Variants in TBC1D4 observed in about 807,000 individuals in gnomAD.
The protein encoded by TBC1D4 is TBC1 domain family member 4, also known as TBC (Tre-2, BUB2, CDC16) domain-containing protein.
A neutral mutation model predicts 142.5 loss-of-function variants in TBC1D4; 121 were observed. That is an observed-to-expected ratio of 0.85 (90% CI 0.73 to 0.99). The LOEUF (loss-of-function observed/expected upper bound fraction) is 0.99. Ranked by LOEUF, TBC1D4 falls within the 50% of genes least tolerant of loss-of-function variation. TBC1D4 has a pLI of 0.00. For synonymous variants in TBC1D4, 630 were observed against 628.2 expected, an observed-to-expected ratio of 1.00 and a Z score of -0.04; for missense variants, 1,475 against 1,606.6, an observed-to-expected ratio of 0.92 and a Z score of 1.40.
intron 5 of TBC1D4, among the ~76,000 whole-genome samples, chr13:75,343,665 C>T (rs1284280469): frequency 1.3e-5 from 2 of 151,934 alleles, no homozygotes; most frequent in African/African-American, 2.4e-5. Context: ...TACAGGCATG[C>T]GCCACCACAC....
chr13:75,393,353 A>G (rs771258065), intron 1 of TBC1D4, among the ~76,000 whole-genome samples: 92 of 152,150 alleles, frequency 6.0e-4, no homozygotes, highest in Middle Eastern at 3.4e-3. Context: ...AACAATTAAT[A>G]CTGTCTCAGT....
chr13:75,387,795 T>C (rs919501541), intron 1 of TBC1D4, among the ~76,000 whole-genome samples: 2 of 152,208 alleles, frequency 1.3e-5, no homozygotes, highest in Non-Finnish European at 2.9e-5. Context: ...GTAAAAATGG[T>C]GTTCCATGTA....
intron 1 of TBC1D4, among the ~76,000 whole-genome samples, chr13:75,423,467 AAAAG>A (rs1473883115): frequency 1.3e-5 from 2 of 152,070 alleles, no homozygotes; most frequent in Non-Finnish European, 2.9e-5. Flanking sequence ...TATTTTAAGA[AAAAG>A]AGAGAGAGAG....
At chr13:75,433,797 T>C (rs950091795) in intron 1 of TBC1D4, among the ~76,000 whole-genome samples, 5 of 152,128 alleles carry the variant, frequency 3.3e-5, no homozygotes, top group African/African-American at 1.2e-4. Flanking sequence ...CCAGTGTCTA[T>C]AAGAAACTTA....
At chr13:75,303,535 T>A (rs1876811073) in intron 15 of TBC1D4, among the ~76,000 whole-genome samples, 1 of 152,190 alleles carries the variant, frequency 6.6e-6, no homozygotes, top group South Asian at 2.1e-4. Flanking sequence ...GGGACAGAAT[T>A]CAATTCTGCA....
At chr13:75,366,365 A>G (rs1882909120) in intron 1 of TBC1D4, among the ~76,000 whole-genome samples, 1 of 152,046 alleles carries the variant, frequency 6.6e-6, no homozygotes, top group Non-Finnish European at 1.5e-5. Context: ...TAGATGGTTG[A>G]TAAGGTCTCA....
intron 1 of TBC1D4, among the ~76,000 whole-genome samples, chr13:75,368,708 T>TA (rs1302887833): frequency 1.3e-5 from 2 of 151,940 alleles, no homozygotes; most frequent in African/African-American, 4.8e-5. Flanking sequence ...TATAAAAGAG[T>TA]AACTCACAGG....
intron 3 of TBC1D4, among the ~76,000 whole-genome samples, chr13:75,358,136 T>A (rs902101404): frequency 6.6e-6 from 1 of 152,122 alleles, no homozygotes. Context: ...GGTTCAGACA[T>A]CACTTTCTCT....
intron 1 of TBC1D4, among the ~76,000 whole-genome samples, chr13:75,464,252 T>A (rs1436426214): frequency 6.6e-6 from 1 of 152,206 alleles, no homozygotes; most frequent in African/African-American, 2.4e-5. Flanking sequence ...TCTGCAGCAC[T>A]GTGACATGTT....
intron 8 of TBC1D4, among the ~76,000 whole-genome samples, chr13:75,331,589 T>G (rs1354480062): frequency 1.3e-5 from 2 of 152,136 alleles, no homozygotes; most frequent in African/African-American, 4.8e-5. Flanking sequence ...ATTACATGAT[T>G]CTGATTTTCA....
chr13:75,449,042 T>TTATA (rs34832274), intron 1 of TBC1D4, among the ~76,000 whole-genome samples: 30 of 150,262 alleles, frequency 2.0e-4, no homozygotes, highest in South Asian at 1.7e-3. Context: ...CATATTTGAC[T>TTATA]TATATATATA....
At chr13:75,384,103 AAT>A (rs113574166) in intron 1 of TBC1D4, among the ~76,000 whole-genome samples, 101,565 of 150,270 alleles carry the variant, frequency 0.68, 34,887 homozygotes, top group South Asian at 0.82. Context: ...AATAAAAAAA[AAT>A]AATAATAATA....
At chr13:75,345,181 G>A (rs1006379251) in intron 5 of TBC1D4, among the ~76,000 whole-genome samples, 2 of 152,138 alleles carry the variant, frequency 1.3e-5, no homozygotes, top group Non-Finnish European at 2.9e-5. Flanking sequence ...ACCCCACTAC[G>A]GGTCTCAGTG....
chr13:75,304,081 T>A (rs1183427843), intron 15 of TBC1D4, among the ~76,000 whole-genome samples: 1 of 152,200 alleles, frequency 6.6e-6, no homozygotes, highest in Non-Finnish European at 1.5e-5. Context: ...GCTTAAATGG[T>A]CCTTGAGAAT....
At chr13:75,337,268 T>G (rs1302221678) in intron 7 of TBC1D4, among the ~76,000 whole-genome samples, 1 of 152,212 alleles carries the variant, frequency 6.6e-6, no homozygotes, top group Non-Finnish European at 1.5e-5. Flanking sequence ...ATTTCCTTCA[T>G]GCCTTTCCTT....
intron 1 of TBC1D4, among the ~76,000 whole-genome samples, chr13:75,459,528 A>G (rs116898529): frequency 1.0e-3 from 156 of 152,282 alleles, no homozygotes; most frequent in Non-Finnish European, 1.9e-3. Context: ...TCCTATGTCT[A>G]GCAGTTCAGT....
intron 12 of TBC1D4, 27 bp from the exon 13 acceptor site, chr13:75,312,925 T>G: frequency 6.2e-7 from 1 of 1,613,390 alleles, no homozygotes; most frequent in East Asian, 2.2e-5. Context: ...AACATATCAC[T>G]TATAAGGAGA....
intron 8 of TBC1D4, 33 bp from the exon 9 acceptor site, chr13:75,327,859 G>A (rs200854364): frequency 2.5e-6 from 4 of 1,608,316 alleles, no homozygotes; most frequent in South Asian, 2.2e-5. Flanking sequence ...AGTGCTTCGT[G>A]TGATTTAAAA....
At chr13:75,401,174 A>G (rs184731025) in intron 1 of TBC1D4, among the ~76,000 whole-genome samples, 2 of 152,308 alleles carry the variant, frequency 1.3e-5, no homozygotes, top group African/African-American at 4.8e-5. Context: ...AGGAAGTTCT[A>G]CATACTCCCC....
Sources: gnomAD v4.1 joint callset for allele counts (sites outside exome capture counted in the v4.1 genomes callset) on GRCh38, gnomAD v4.1.1 for gene constraint, MANE v1.5 for transcripts, NCBI Gene and HGNC (gene_info 2026-07-23, HGNC 2026-07-21) for gene names.